The following SNTG1 variants were observed in gnomAD, a reference collection of about 807,000 sequenced individuals.
SNTG1 encodes the protein syntrophin gamma 1.
In SNTG1, 39 loss-of-function variants were observed where a neutral mutation model predicts 74.7. The observed-to-expected ratio is 0.52, with a 90% CI of 0.40 to 0.68. The LOEUF (loss-of-function observed/expected upper bound fraction) is 0.68, where lower values mean the gene tolerates loss of function less well. Among genes scored for constraint, SNTG1 ranks in the 30% least tolerant of loss-of-function variants. The probability of loss-of-function intolerance (pLI) is 0.00; values close to 1 mark genes in which losing one functional copy is unlikely to be tolerated. For missense variants in SNTG1, 685 were observed against 609.5 expected, an observed-to-expected ratio of 1.12 and a Z score of -1.30; for synonymous variants, 254 against 217.1, an observed-to-expected ratio of 1.17 and a Z score of -1.49.
At position 50,149,507 on chromosome 8, in the gene SNTG1, G is replaced by A. The variant is rs373281838; in HGVS notation, c.-102-23054G>A. ...ATAGTATTGGCTAGGTTTTCTTCTA[G>A]GGTTTTTATGGTTTCAGGTCTAACA... On this transcript the variant is annotated intron_variant, in intron 1 of 18. Coordinates refer to ENST00000642720, the MANE Select transcript of SNTG1 (RefSeq NM_018967.5). 6.6e-5 allele frequency among the ~76,000 whole-genome samples: 10 copies of A among 152,146 alleles called. No individual in the cohort carries two copies. In the East Asian group the frequency reaches 7.7e-4, roughly 12 times the overall value.
chr8:50,223,407 C>T (rs1461124141), intron 2 of SNTG1, among the ~76,000 whole-genome samples: 2 of 151,898 alleles, frequency 1.3e-5, no homozygotes, highest in African/African-American at 4.8e-5. Flanking sequence ...TAATCAAATA[C>T]ACAGATGCAA....
chr8:50,245,283 A>C (rs1244398888), intron 2 of SNTG1, among the ~76,000 whole-genome samples: 1 of 152,164 alleles, frequency 6.6e-6, no homozygotes, highest in East Asian at 1.9e-4. Context: ...CCTTGATTTG[A>C]GACAGATCAC....
At chr8:50,358,682 TA>T (rs539118526) in intron 2 of SNTG1, among the ~76,000 whole-genome samples, 33 of 152,286 alleles carry the variant, frequency 2.2e-4, no homozygotes, top group African/African-American at 7.5e-4. Context: ...ATGAAAGTAT[TA>T]AAAAAATTTA....
chr8:50,672,633 G>T (rs928995122), intron 15 of SNTG1, among the ~76,000 whole-genome samples: 1 of 152,068 alleles, frequency 6.6e-6, no homozygotes, highest in Non-Finnish European at 1.5e-5. Flanking sequence ...CAATTCTGTA[G>T]GTGGCCTGTT....
intron 13 of SNTG1, among the ~76,000 whole-genome samples, chr8:50,614,645 A>G (rs557814040): frequency 6.6e-6 from 1 of 152,214 alleles, no homozygotes; most frequent in African/African-American, 2.4e-5. Context: ...AGCATGAGTA[A>G]ATTTTAATTA....
At chr8:50,337,526 ATTCTGTTCTGT>A (rs2091181784) in intron 2 of SNTG1, among the ~76,000 whole-genome samples, 2 of 152,232 alleles carry the variant, frequency 1.3e-5, no homozygotes. Context: ...TACCCAGAGC[ATTCTGTTCTGT>A]TTAACAAAGG....
rs576419206 is a variant in SNTG1, at chr8:50,492,873, G to A, written c.364-9905G>A. ...GAGTTTTTATGGTTTTATGTATTACGTTTAAGTCTTTAATCCATCTTCAGT... is the reference window on the plus strand; with the variant it reads ...GAGTTTTTATGGTTTTATGTATTACATTTAAGTCTTTAATCCATCTTCAGT... On this transcript the variant is annotated intron_variant, in intron 8 of 18. Transcript: ENST00000642720. Among the ~76,000 whole-genome samples the A allele has an allele frequency of 3.0e-4, 46 of 152,146 alleles. 1 individual carries two copies. Among genetic ancestry groups the A allele is most frequent in the Admixed American group, 1.8e-3 (28 of 15,282 alleles).
intron 1 of SNTG1, among the ~76,000 whole-genome samples, chr8:49,927,457 G>A (rs1807127949): frequency 6.6e-6 from 1 of 151,942 alleles, no homozygotes; most frequent in Non-Finnish European, 1.5e-5. Flanking sequence ...GTAAAGACAT[G>A]GACTATATGT....
In SNTG1 at chr8:49,978,188, C is replaced by T. The variant is rs551234383; in HGVS notation, c.-103+65957C>T. Among the ~76,000 whole-genome samples the T allele has an allele frequency of 2.5e-3, 377 of 151,700 alleles. 1 individual carries two copies. The highest frequency in any genetic ancestry group is 8.6e-3 in the African/African-American group (355 of 41,286). On this transcript the variant is annotated intron_variant, in intron 1 of 18. Transcript: ENST00000642720. ...GCTGGGATATGAAAGAGATTTGAAA[C>T]AACTAATTCCCCAACTTAGACTAGA...
At chr8:50,505,845 A>T (rs376352856) in intron 9 of SNTG1, among the ~76,000 whole-genome samples, 42 of 152,132 alleles carry the variant, frequency 2.8e-4, no homozygotes, top group South Asian at 1.2e-3. Flanking sequence ...ATTTTACAAA[A>T]TTTTTAATTC....
intron 1 of SNTG1, among the ~76,000 whole-genome samples, chr8:50,041,853 C>CA (rs1371999853): frequency 6.6e-6 from 1 of 152,190 alleles, no homozygotes; most frequent in Non-Finnish European, 1.5e-5. Context: ...CTGTTCTTTC[C>CA]TGTAGACATG....
chr8:50,243,454 G>A (rs1049314348), intron 2 of SNTG1, among the ~76,000 whole-genome samples: 1 of 151,858 alleles, frequency 6.6e-6, no homozygotes, highest in African/African-American at 2.4e-5. Flanking sequence ...CATCTCTACT[G>A]TATCCATCTT....
chr8:50,632,506 TGCCATGTTGGCCAGGCTG>T (rs2095008018), intron 13 of SNTG1, among the ~76,000 whole-genome samples: 1 of 151,874 alleles, frequency 6.6e-6, no homozygotes, highest in Admixed American at 6.6e-5. Flanking sequence ...GACAGGGTTT[TGCCATGTTGGCCAGGCTG>T]GCCTGGAACT....
At chr8:50,410,272 T>A (rs934912764) in intron 4 of SNTG1, among the ~76,000 whole-genome samples, 1 of 152,176 alleles carries the variant, frequency 6.6e-6, no homozygotes, top group Non-Finnish European at 1.5e-5. Flanking sequence ...CAGGCCTAGA[T>A]AGGAACATTG....
In SNTG1 at chr8:50,314,522, C is replaced by T. The variant is rs1563884621; in HGVS notation, c.-27-79690C>T. 1.3e-5 allele frequency among the ~76,000 whole-genome samples: 2 copies of T among 149,606 alleles called. 1 individual carries two copies. The highest frequency in any genetic ancestry group is 5.0e-5 in the African/African-American group (2 of 40,058). ...GACGGAGATGATTTTCAGTGAAAGA[C>T]TTTGAGAGCCTTATTAGGCACACCA... On this transcript the variant is annotated intron_variant, in intron 2 of 18. Transcript: ENST00000642720.
intron 15 of SNTG1, among the ~76,000 whole-genome samples, chr8:50,679,316 T>G (rs540513629): frequency 2.0e-3 from 306 of 152,258 alleles, no homozygotes; most frequent in Non-Finnish European, 3.7e-3. Flanking sequence ...AGTGATGTGT[T>G]AATAGAATGA....
chr8:50,044,355 A>C (rs1270226453), intron 1 of SNTG1, among the ~76,000 whole-genome samples: 1 of 152,158 alleles, frequency 6.6e-6, no homozygotes, highest in Non-Finnish European at 1.5e-5. Context: ...GAATCACAAG[A>C]CCTGCTTGTA....
chr8:50,421,053 G>GGGGGGT (rs2093078525), intron 4 of SNTG1, among the ~76,000 whole-genome samples: 3 of 14,456 alleles, frequency 2.1e-4, no homozygotes, highest in Admixed American at 1.3e-3. Context: ...GGGCGGGGGA[G>GGGGGGT]GGGGGGGCGA....
chr8:50,492,170 G>T (rs1216442298), intron 8 of SNTG1, among the ~76,000 whole-genome samples: 1 of 152,104 alleles, frequency 6.6e-6, no homozygotes, highest in Non-Finnish European at 1.5e-5. Flanking sequence ...AGTCTTAGTT[G>T]TTGTAAACAG....
Sources: gnomAD v4.1 joint callset for allele counts (sites outside exome capture counted in the v4.1 genomes callset) on GRCh38, gnomAD v4.1.1 for gene constraint, MANE v1.5 for transcripts, NCBI Gene and HGNC (gene_info 2026-07-23, HGNC 2026-07-21) for gene names.